Variants in RARRES2 observed in about 807,000 individuals in gnomAD.
The protein encoded by RARRES2 is retinoic acid receptor responder 2, also known as retinoic acid receptor responder protein 2.
RARRES2 carries 12 observed loss-of-function variants against 17.9 expected under a neutral mutation model. That is an observed-to-expected ratio of 0.67 (90% CI 0.43 to 1.08). The LOEUF is 1.08. Ranked by LOEUF, RARRES2 falls within the 50% of genes least tolerant of loss-of-function variation. RARRES2 has a pLI of 0.00. For synonymous variants in RARRES2, 82 were observed against 86.8 expected (o/e 0.94, Z 0.31); for missense variants, 220 against 210.1 (o/e 1.05, Z -0.29).
At position 150,340,156 on chromosome 7, in the gene RARRES2, T is replaced by A. The variant is rs1798447979; in HGVS notation, c.223A>T (p.Thr75Ser). ...TTCCAGTCCCTCTTCCGGCAGCTTGTCTGCTGCAGCTTAAATTCCAGCCTC... is the reference window on the plus strand; with the variant it reads ...TTCCAGTCCCTCTTCCGGCAGCTTGACTGCTGCAGCTTAAATTCCAGCCTC... ...FVRLEFKLQQ[T>S]SCRKRDWKKP... is the part of the protein sequence containing the mutation. Residue 75 changes from threonine to serine, a missense_variant, in exon 3 of 6, where the codon ACA becomes TCA. By Grantham distance (58) the Thr-to-Ser change is moderately conservative. Coordinates refer to ENST00000223271, the MANE Select transcript of RARRES2 (RefSeq NM_002889.4). 1 of 1,614,034 alleles carries A rather than the reference T, an allele frequency of 6.2e-7. No homozygotes were observed. Among genetic ancestry groups the A allele is most frequent in the Non-Finnish European group, 8.5e-7 (1 of 1,180,024 alleles).
chr7:150,338,514 T>G, intron 5 of RARRES2, 75 bp from the exon 6 acceptor site: 5 of 1,518,824 alleles, frequency 3.3e-6, no homozygotes, highest in Non-Finnish European at 4.4e-6. Context: ...CTCCCAGGCT[T>G]CTGACCTGTC....
rs990146697 is a variant in RARRES2, at chr7:150,340,602, C to T, written c.8G>A (p.Arg3Gln). The T allele has an allele frequency of 5.9e-6, 9 of 1,524,236 alleles. No homozygotes were observed. Among genetic ancestry groups the T allele is most frequent in the African/African-American group, 2.8e-5 (2 of 72,690 alleles). The allele number at this position is 1,524,236 out of a possible 1,614,324, so 94.4% of individuals were successfully genotyped here. A position where few individuals can be genotyped will look rare whatever the true frequency, so the allele number is the denominator to read the frequency against. MR[R>Q]LLIPLALWLG... ...CCACAGGGCCAGAGGGATCAGCAGC[C>T]GTCGCATGCTTCCGTGTCACCCTGG... Residue 3 changes from arginine to glutamine, a missense_variant, in exon 2 of 6, where the codon CGG (arginine) becomes CAG (glutamine). Transcript: ENST00000223271.
At position 150,338,706 on chromosome 7, in the gene RARRES2, CCT is replaced by C; in HGVS notation, c.409_410del (p.Arg137GlyfsTer6). On this transcript the variant is annotated frameshift_variant, in exon 5 of 6. Coordinates refer to ENST00000223271, the MANE Select transcript of RARRES2 (RefSeq NM_002889.4). LOFTEE classifies it high-confidence loss of function. ...GGGGGTCCTCACCAGCCCGCTGCACCCTGAGGCACTGGGTCTCCTGGTGCTCC... is the reference window on the plus strand; with the variant it reads ...GGGGGTCCTCACCAGCCCGCTGCACCGAGGCACTGGGTCTCCTGGTGCTCC... ...AEEHQETQCL[R>X]VQRAGEDPHS... is the part of the protein sequence containing the mutation. The C allele has an allele frequency of 6.4e-7, 1 of 1,555,644 alleles. No homozygotes were observed. Among genetic ancestry groups the C allele is most frequent in the South Asian group, 1.2e-5 (1 of 84,506 alleles).
intron 2 of RARRES2, 24 bp from the exon 3 acceptor site, chr7:150,340,228 G>A: frequency 5.0e-6 from 8 of 1,611,388 alleles, no homozygotes; most frequent in Non-Finnish European, 5.9e-6. Flanking sequence ...GGCAGGCAGA[G>A]GATGGCCGGT....
intron 1 of RARRES2, 110 bp from the exon 2 acceptor site, chr7:150,340,739 G>A (rs750090365): frequency 2.4e-5 from 22 of 931,706 alleles, no homozygotes; most frequent in Non-Finnish European, 3.2e-5. Flanking sequence ...CAGGCCTGTA[G>A]AACGCTGGGC....
Position 150,340,533 on chromosome 7 carries a change from T to C in RARRES2, c.77A>G (p.Gln26Arg). 6.3e-7 allele frequency: 1 copy of C among 1,583,598 alleles called. No individual in the cohort carries two copies. The highest frequency in any genetic ancestry group is 8.6e-7 in the Non-Finnish European group (1 of 1,165,314). ...CAGGGCCACCTGCAGGCCCCGGCGCTGGGCTTCCGTGAGCTCGGCGACGCC... is the reference window on the plus strand; with the variant it reads ...CAGGGCCACCTGCAGGCCCCGGCGCCGGGCTTCCGTGAGCTCGGCGACGCC... The part of the protein sequence containing the change: ...GVGVAELTEA[Q>R]RRGLQVALEE... The change falls in exon 2 of 6, where the codon CAG (glutamine) becomes CGG (arginine). Residue 26 changes from glutamine to arginine, a missense_variant. Transcript: ENST00000223271.
intron 1 of RARRES2, chr7:150,341,371 A>AT (rs1005115672): frequency 1.3e-4 from 20 of 152,228 alleles, no homozygotes; most frequent in African/African-American, 4.8e-4. Flanking sequence ...CCCCTGATGC[A>AT]TGACTGGGGC....
intron 1 of RARRES2, 49 bp from the exon 2 acceptor site, chr7:150,340,678 C>T (rs1798464591): frequency 2.8e-6 from 4 of 1,415,866 alleles, no homozygotes; most frequent in Admixed American, 5.4e-5. Flanking sequence ...GCCCGAGCCG[C>T]CTCCTCCCGC....
rs1798395536 is a variant in RARRES2 at position 150,338,623 on chromosome 7, G to A, written c.*2C>T. ...AGCCCCCTGGTGCCTACCAGTGCTG[G>A]CTTAGCTGCGGGGCAGGGCCTTGGA... On this transcript the variant is annotated 3_prime_UTR_variant, in exon 5 of 6. Coordinates refer to ENST00000223271, the MANE Select transcript of RARRES2 (RefSeq NM_002889.4). 4.5e-6 allele frequency: 7 copies of A among 1,554,028 alleles called. No homozygotes were observed. Among genetic ancestry groups the A allele is most frequent in the Non-Finnish European group, 6.1e-6 (7 of 1,148,132 alleles).
At chr7:150,338,903 T>C (rs2129618560) in intron 4 of RARRES2, 83 bp downstream of exon 4, 1 of 1,540,590 alleles carries the variant, frequency 6.5e-7, no homozygotes, top group South Asian at 1.1e-5. Flanking sequence ...GGCCAAGCTT[T>C]AGCCTCGAGA....
At position 150,338,427 on chromosome 7, in the gene RARRES2, G is replaced by A. The variant is rs1391717032; in HGVS notation, c.*23C>T. The A allele has an allele frequency of 6.6e-7, 1 of 1,523,698 alleles. No individual in the cohort carries two copies. The highest frequency in any genetic ancestry group is 8.8e-7 in the Non-Finnish European group (1 of 1,139,342). The allele number at this position is 1,523,698 out of a possible 1,614,324, so 94.4% of individuals were successfully genotyped here. Reference sequence around the variant, plus strand: ...GTTACCACCCGCAGCGGTCCTGGAGGCACCACGCATCTCTAGACAAAAGGG... The same window carrying A: ...GTTACCACCCGCAGCGGTCCTGGAGACACCACGCATCTCTAGACAAAAGGG... On this transcript the variant is annotated 3_prime_UTR_variant, in exon 6 of 6. Coordinates refer to ENST00000223271, the MANE Select transcript of RARRES2 (RefSeq NM_002889.4).
intron 1 of RARRES2, chr7:150,341,343 C>G (rs1798485352): frequency 6.6e-6 from 1 of 152,606 alleles, no homozygotes; most frequent in African/African-American, 2.4e-5. Context: ...ACCCCTCTTC[C>G]TAGCCCTTCT....
At chr7:150,340,748 G>C in intron 1 of RARRES2, 119 bp from the exon 2 acceptor site, 1 of 863,870 alleles carries the variant, frequency 1.2e-6, no homozygotes, top group Non-Finnish European at 1.7e-6. Flanking sequence ...AGAACGCTGG[G>C]CACAGGTGAA....
In RARRES2 at chr7:150,338,745, CCA is replaced by C; in HGVS notation, c.376-6_376-5del. On this transcript the variant is annotated splice_region_variant and splice_polypyrimidine_tract_variant and intron_variant, in intron 4 of 5. Transcript: ENST00000223271. ...TCTCCTGGTGCTCCTCAGCCTCCTG[CCA>C]GTGCCCAAAACTGTTCAGGCAGTGT... is the stretch of plus-strand genomic sequence containing the variant. 5 of 1,557,992 alleles carry C rather than the reference CCA, an allele frequency of 3.2e-6. No homozygotes were observed. The highest frequency in any genetic ancestry group is 4.3e-6 in the Non-Finnish European group (5 of 1,150,410).
At chr7:150,338,833 C>CTGT (rs1359059060) in intron 4 of RARRES2, 92 bp from the exon 5 acceptor site, 1 of 1,569,910 alleles carries the variant, frequency 6.4e-7, no homozygotes, top group African/African-American at 1.4e-5. Context: ...CTCCACATCC[C>CTGT]TTGGAGAATG....
rs200876936 is a variant in RARRES2 at position 150,338,979 on chromosome 7, T to C, written c.375+7A>G. ...GTCACCACCTGTGCACCCTTGCCCC[T>C]TCTTACCCGCAGAACTTGGGTCTCT... On this transcript the variant is annotated splice_region_variant and intron_variant, in intron 4 of 5. Coordinates refer to ENST00000223271, the MANE Select transcript of RARRES2 (RefSeq NM_002889.4). The C allele has an allele frequency of 3.8e-6, 6 of 1,595,902 alleles. No homozygotes were observed. The East Asian group carries it at 1.1e-4, about 30-fold the overall frequency.
At chr7:150,340,871 C>G in intron 1 of RARRES2, 1 of 415,152 alleles carries the variant, frequency 2.4e-6, no homozygotes, top group Non-Finnish European at 4.2e-6. Flanking sequence ...TAGCAAAGTT[C>G]CCTGCCCACG....
intron 4 of RARRES2, 77 bp downstream of exon 4, chr7:150,338,909 C>G (rs547940440): frequency 8.4e-6 from 13 of 1,538,642 alleles, no homozygotes; most frequent in Non-Finnish European, 1.2e-5. Context: ...GCTTTAGCCT[C>G]GAGACCAGCC....
Position 150,339,160 on chromosome 7 carries a change from G to A in RARRES2, c.280-79C>T, listed in dbSNP as rs1798416567. ...TGGGCATCATGAGGGTGGGAGCCAG[G>A]GCTGCCCATCATGGGACCAGATCCC... On this transcript the variant is annotated intron_variant, in intron 3 of 5. Coordinates refer to ENST00000223271, the MANE Select transcript of RARRES2 (RefSeq NM_002889.4). The A allele has an allele frequency of 5.1e-6, 7 of 1,368,048 alleles. No individual in the cohort carries two copies. The South Asian group carries it at 7.2e-5, about 14-fold the overall frequency. 84.7% of individuals were successfully genotyped at this position (1,368,048 alleles called of 1,614,324 possible).
Sources: allele counts gnomAD v4.1 joint callset, GRCh38; gene constraint gnomAD v4.1.1; transcripts MANE v1.5; gene names NCBI Gene and HGNC (gene_info 2026-07-23, HGNC 2026-07-21).